FRMD4A: variants seen among roughly 807,000 people sequenced by gnomAD.
FRMD4A encodes the protein FERM domain-containing protein 4A.
In FRMD4A, 29 loss-of-function variants were observed where a neutral mutation model predicts 129.1. The ratio of observed to expected loss-of-function variants is 0.22; its 90% CI spans 0.17 to 0.31. FRMD4A has a LOEUF of 0.31. FRMD4A is among the 10% of genes least tolerant of loss of function. The pLI, the probability that FRMD4A is intolerant of heterozygous loss-of-function variation, is 1.00. For synonymous variants in FRMD4A, 634 were observed against 571.6 expected (o/e 1.11, Z -1.56); for missense variants, 1,272 against 1,375.8 (o/e 0.92, Z 1.19).
chr10:13,691,477 A>C (rs936612220), intron 15 of FRMD4A, among the ~76,000 whole-genome samples: 1 of 152,116 alleles, frequency 6.6e-6, no homozygotes, highest in Admixed American at 6.5e-5. Context: ...CCTGGGTTCT[A>C]TGAGCCTGGG....
chr10:14,042,858 C>A (rs929027838), intron 2 of FRMD4A, among the ~76,000 whole-genome samples: 24 of 139,198 alleles, frequency 1.7e-4, no homozygotes, highest in African/African-American at 6.1e-4. Context: ...CCTAGCTACT[C>A]GGGACGCTGT....
At chr10:13,653,017 C>T (rs1226669990) in intron 23 of FRMD4A, 4 of 151,548 alleles carry the variant, frequency 2.6e-5, no homozygotes, top group African/African-American at 9.7e-5. Flanking sequence ...GGGCCAGGCA[C>T]TTAGTTCCTC....
intron 2 of FRMD4A, among the ~76,000 whole-genome samples, chr10:13,911,525 A>G (rs1413030106): frequency 6.6e-6 from 1 of 152,186 alleles, no homozygotes; most frequent in African/African-American, 2.4e-5. Flanking sequence ...GCAGAAGCCT[A>G]AAAACGGGCC....
intron 2 of FRMD4A, among the ~76,000 whole-genome samples, chr10:14,197,159 G>GT: frequency 1.3e-5 from 2 of 152,186 alleles, no homozygotes; most frequent in East Asian, 1.9e-4. Context: ...CCCTGGTCTG[G>GT]TACCTCAGTT....
intron 2 of FRMD4A, among the ~76,000 whole-genome samples, chr10:14,038,764 G>A (rs1321511714): frequency 6.6e-6 from 1 of 152,212 alleles, no homozygotes; most frequent in African/African-American, 2.4e-5. Context: ...GTTCCCCGGT[G>A]ACTTTAGTGA....
At chr10:13,669,893 G>A (rs1168644885) in intron 17 of FRMD4A, among the ~76,000 whole-genome samples, 3 of 152,200 alleles carry the variant, frequency 2.0e-5, no homozygotes, top group South Asian at 2.1e-4. Flanking sequence ...GGCCAGGGCC[G>A]CCCAAGCATC....
At chr10:14,105,748 T>G (rs1837555308) in intron 2 of FRMD4A, among the ~76,000 whole-genome samples, 1 of 152,232 alleles carries the variant, frequency 6.6e-6, no homozygotes. Flanking sequence ...TCTATAGATT[T>G]CCCCAATTTC....
At chr10:13,655,179 G>C (rs1267454846) in intron 22 of FRMD4A, 1 of 152,146 alleles carries the variant, frequency 6.6e-6, no homozygotes, top group Non-Finnish European at 1.5e-5. Context: ...TGCATCCTTT[G>C]CTTTTTTGGT....
intron 2 of FRMD4A, among the ~76,000 whole-genome samples, chr10:14,224,366 C>T (rs1035677891): frequency 6.6e-6 from 1 of 152,152 alleles, no homozygotes; most frequent in Admixed American, 6.5e-5. Flanking sequence ...GCCACAGTGA[C>T]CTGCATATGT....
intron 2 of FRMD4A, among the ~76,000 whole-genome samples, chr10:14,057,252 T>C (rs1834578716): frequency 6.6e-6 from 1 of 152,268 alleles, no homozygotes; most frequent in Non-Finnish European, 1.5e-5. Flanking sequence ...CACAGTCACC[T>C]GACTACTCAA....
intron 6 of FRMD4A, among the ~76,000 whole-genome samples, chr10:13,763,237 G>A (rs1296069634): frequency 2.0e-5 from 3 of 152,096 alleles, no homozygotes; most frequent in African/African-American, 7.2e-5. Context: ...AAACCTGTTT[G>A]TTAATGTTAT....
intron 16 of FRMD4A, among the ~76,000 whole-genome samples, chr10:13,672,077 T>C (rs996575055): frequency 1.2e-4 from 18 of 152,274 alleles, no homozygotes; most frequent in South Asian, 4.1e-4. Flanking sequence ...CATGTATGCA[T>C]GTGCAGGCAT....
intron 2 of FRMD4A, among the ~76,000 whole-genome samples, chr10:13,931,881 G>A (rs1388868575): frequency 1.3e-5 from 2 of 152,014 alleles, no homozygotes; most frequent in South Asian, 2.1e-4. Flanking sequence ...CCCGGGAGGT[G>A]GAGGTTGCAA....
intron 3 of FRMD4A, among the ~76,000 whole-genome samples, chr10:13,818,458 A>G (rs1469216198): frequency 6.6e-6 from 1 of 152,152 alleles, no homozygotes; most frequent in Non-Finnish European, 1.5e-5. Flanking sequence ...GTGTGACCCA[A>G]TGCACCCAGC....
At chr10:13,654,615 C>A in intron 22 of FRMD4A, 103 bp from the exon 23 acceptor site, 1 of 710,220 alleles carries the variant, frequency 1.4e-6, no homozygotes, top group South Asian at 1.7e-5. Flanking sequence ...GGCCAGAGGT[C>A]ACCATTTCCA....
chr10:14,187,533 C>T (rs1040907147), intron 2 of FRMD4A, among the ~76,000 whole-genome samples: 1 of 152,214 alleles, frequency 6.6e-6, no homozygotes, highest in Non-Finnish European at 1.5e-5. Flanking sequence ...CCATGCCTTT[C>T]TCCATTTACC....
At chr10:14,307,994 T>G (rs1846409781) in intron 2 of FRMD4A, among the ~76,000 whole-genome samples, 1 of 152,304 alleles carries the variant, frequency 6.6e-6, no homozygotes, top group African/African-American at 2.4e-5. Flanking sequence ...GCAAAATCTG[T>G]GCGGCAAATA....
rs71503097 is a variant in FRMD4A, at chr10:13,700,820, C to CTTTTTTTTTTTTTTTTTTTTT, written c.975+499_975+519dup. On this transcript the variant is annotated intron_variant, in intron 14 of 24. Transcript: ENST00000357447. Reference sequence around the variant, plus strand: ...CTACCTTAGGGAAACAGGGTAGTTGCTTTTTTTTTTTTTTTTTTTTTTTTT... The same window carrying CTTTTTTTTTTTTTTTTTTTTT: ...CTACCTTAGGGAAACAGGGTAGTTGCTTTTTTTTTTTTTTTTTTTTTTTTTTTTTTTTTTTTTTTTTTTTTT... 4.5e-5 allele frequency among the ~76,000 whole-genome samples: 2 copies of CTTTTTTTTTTTTTTTTTTTTT among 44,714 alleles called. 1 individual carries two copies. Among genetic ancestry groups the CTTTTTTTTTTTTTTTTTTTTT allele is most frequent in the Non-Finnish European group, 7.6e-5 (2 of 26,388 alleles). The allele number at this position is 44,714 out of a possible 152,430, so 29.3% of individuals were successfully genotyped here.
intron 2 of FRMD4A, among the ~76,000 whole-genome samples, chr10:14,118,985 T>C (rs1161371783): frequency 6.6e-6 from 1 of 152,180 alleles, no homozygotes; most frequent in African/African-American, 2.4e-5. Context: ...GCCAGCCAGA[T>C]GTATTTCTCC....
Sources: gnomAD v4.1 joint callset for allele counts (sites outside exome capture counted in the v4.1 genomes callset) on GRCh38, gnomAD v4.1.1 for gene constraint, MANE v1.5 for transcripts, NCBI Gene and HGNC (gene_info 2026-07-23, HGNC 2026-07-21) for gene names.